ZNF736: variants seen among roughly 807,000 people sequenced by gnomAD.
ZNF736 encodes zinc finger protein 736, also known as KRAB-containing zinc-finger repressor protein.
Under a neutral mutation model 11.7 loss-of-function variants are expected in ZNF736, and 6 were observed. The ratio of observed to expected loss-of-function variants is 0.51; its 90% confidence interval spans 0.28 to 1.01. The LOEUF (loss-of-function observed/expected upper bound fraction) is 1.01. ZNF736 is among the 50% of genes least tolerant of loss of function. The pLI is 0.09. For synonymous variants in ZNF736, 139 were observed against 164.7 expected (o/e 0.84, Z 1.19); for missense variants, 444 against 496.0 (o/e 0.90, Z 1.00).
intron 3 of ZNF736, among the ~76,000 whole-genome samples, chr7:64,344,905 C>T (rs1292901885): frequency 6.7e-6 from 1 of 149,766 alleles, no homozygotes; most frequent in Non-Finnish European, 1.5e-5. Flanking sequence ...CATAATGCTT[C>T]CAATATTTTT....
intron 1 of ZNF736, among the ~76,000 whole-genome samples, chr7:64,324,830 C>T (rs1196095798): frequency 6.6e-6 from 1 of 152,176 alleles, no homozygotes; most frequent in Non-Finnish European, 1.5e-5. Flanking sequence ...GCCCATAGGT[C>T]CTATGAAACT....
chr7:64,319,333 G>GTATGTA lies in ZNF736; in HGVS notation c.3+5183_3+5184insGTATAT, dbSNP rs1788965551. On this transcript the variant is annotated intron_variant, in intron 1 of 3. Transcript: ENST00000423484. ...TATATGTATGTGTGTGTGTGTATGT[G>GTATGTA]TATATATATATATATATATATATAT... Among the ~76,000 whole-genome samples the GTATGTA allele has an allele frequency of 6.4e-4, 46 of 71,646 alleles. 3 individuals carry two copies. Among genetic ancestry groups the GTATGTA allele is most frequent in the Non-Finnish European group, 1.0e-3 (36 of 34,760 alleles). 47.0% of individuals were successfully genotyped at this position (71,646 alleles called of 152,430 possible). A position where few individuals can be genotyped will look rare whatever the true frequency, so the allele number is the denominator to read the frequency against.
Position 64,349,259 on chromosome 7 carries a change from G to T in ZNF736, c.*112G>T. The T allele has an allele frequency of 9.9e-7, 1 of 1,012,372 alleles. No individual in the cohort carries two copies. Among genetic ancestry groups the T allele is most frequent in the East Asian group, 2.6e-5 (1 of 38,098 alleles). 62.7% of individuals were successfully genotyped at this position (1,012,372 alleles called of 1,614,324 possible). On this transcript the variant is annotated 3_prime_UTR_variant, in exon 4 of 4. Transcript: ENST00000423484. ...CAGTGGAAGAACATTTATCATCTTAGAGGGTCTCTAAGAACTTACTTTATA... is the reference window on the plus strand; with the variant it reads ...CAGTGGAAGAACATTTATCATCTTATAGGGTCTCTAAGAACTTACTTTATA...
rs1789522964 is a variant in ZNF736, at chr7:64,353,929, T to C, written c.*4782T>C. ...AAAATTATTGTTATTGTGTTAAGGC[T>C]ATTTTACATTGAATGTGTATCTTGC... is the stretch of plus-strand genomic sequence containing the variant. On this transcript the variant is annotated 3_prime_UTR_variant, in exon 4 of 4. Coordinates refer to ENST00000423484, the MANE Select transcript of ZNF736 (RefSeq NM_001170905.3). 1 of 152,250 alleles carries C rather than the reference T, an allele frequency of 6.6e-6. No homozygotes were observed. The highest frequency in any genetic ancestry group is 1.5e-5 in the Non-Finnish European group (1 of 68,034). 9.4% of individuals were successfully genotyped at this position (152,250 alleles called of 1,614,324 possible).
At chr7:64,331,607 G>A (rs7810363) in intron 1 of ZNF736, among the ~76,000 whole-genome samples, 51,964 of 151,992 alleles carry the variant, frequency 0.34, 9,551 homozygotes, top group African/African-American at 0.49. Flanking sequence ...GATGATTGCT[G>A]GAGGGTGCTA....
intron 3 of ZNF736, among the ~76,000 whole-genome samples, chr7:64,346,429 T>TC (rs2115963959): frequency 6.6e-6 from 1 of 151,640 alleles, no homozygotes; most frequent in African/African-American, 2.4e-5. Flanking sequence ...AGATTTTTTT[T>TC]TTCATTTTGG....
In ZNF736 at chr7:64,348,565, T is replaced by A; in HGVS notation, c.702T>A (p.Cys234Ter). ...AGAAACCTTACAAATGTGAAGGATGTGGCAAAACTTTTACCTGCTCCTCAA... is the reference window on the plus strand; with the variant it reads ...AGAAACCTTACAAATGTGAAGGATGAGGCAAAACTTTTACCTGCTCCTCAA... The part of the protein sequence containing the change: ...TGEKPYKCEG[C>*]GKTFTCSSTL... The change falls in exon 4 of 4, where the codon TGT (cysteine) becomes TGA (stop). Residue 234 changes from cysteine to a stop codon, truncating the protein, a stop_gained. Coordinates refer to ENST00000423484, the MANE Select transcript of ZNF736 (RefSeq NM_001170905.3). LOFTEE classifies it low-confidence loss of function (END_TRUNC). 6.3e-7 allele frequency: 1 copy of A among 1,588,846 alleles called. No homozygotes were observed. Among genetic ancestry groups the A allele is most frequent in the Non-Finnish European group, 8.6e-7 (1 of 1,167,416 alleles).
chr7:64,332,646 G>A (rs967118602), intron 1 of ZNF736, among the ~76,000 whole-genome samples: 8 of 152,092 alleles, frequency 5.3e-5, no homozygotes, highest in South Asian at 2.1e-4. Context: ...GTAAGCCTGA[G>A]GGTACTGCAG....
chr7:64,337,229 T>A (rs1789266242), intron 3 of ZNF736: 1 of 476,216 alleles, frequency 2.1e-6, no homozygotes, highest in Non-Finnish European at 3.7e-6. Flanking sequence ...TTTTGTTTTT[T>A]GTTTTTAGTT....
intron 3 of ZNF736, among the ~76,000 whole-genome samples, chr7:64,346,477 T>C (rs201646041): frequency 3.9e-5 from 2 of 50,732 alleles, no homozygotes; most frequent in African/African-American, 1.0e-4. Context: ...TTGCTTAGAC[T>C]TTTTTTTTTT....
At chr7:64,347,952 T>C (rs1311796969) in intron 3 of ZNF736, 138 bp from the exon 4 acceptor site, 1 of 829,076 alleles carries the variant, frequency 1.2e-6, no homozygotes, top group Non-Finnish European at 1.8e-6. Context: ...AGTATATTTC[T>C]GTTAGGTTTA....
intron 1 of ZNF736, among the ~76,000 whole-genome samples, chr7:64,318,650 A>G (rs1379518086): frequency 6.6e-6 from 1 of 152,200 alleles, no homozygotes. Context: ...GTTTACCAAA[A>G]GATTTACTCA....
intron 1 of ZNF736, among the ~76,000 whole-genome samples, chr7:64,315,961 A>G (rs1187732930): frequency 6.6e-6 from 1 of 152,210 alleles, no homozygotes; most frequent in Non-Finnish European, 1.5e-5. Context: ...ACAGAAAAGC[A>G]AAGAGTAGTC....
At chr7:64,331,273 G>C (rs1319111982) in intron 1 of ZNF736, among the ~76,000 whole-genome samples, 3 of 152,164 alleles carry the variant, frequency 2.0e-5, no homozygotes, top group Non-Finnish European at 2.9e-5. Flanking sequence ...GGGCTAGTCT[G>C]AGTGCTCCCT....
intron 3 of ZNF736, among the ~76,000 whole-genome samples, chr7:64,343,142 G>A (rs1421837920): frequency 6.6e-6 from 1 of 152,060 alleles, no homozygotes; most frequent in Admixed American, 6.5e-5. Flanking sequence ...GTCTTCAACA[G>A]CAATGACATG....
intron 1 of ZNF736, among the ~76,000 whole-genome samples, chr7:64,327,165 C>G (rs1490661622): frequency 6.6e-6 from 1 of 152,168 alleles, no homozygotes; most frequent in Non-Finnish European, 1.5e-5. Context: ...GTTGATCTCT[C>G]TCTCTTTAGC....
chr7:64,350,668 AC>A lies in ZNF736; in HGVS notation c.*1523del, dbSNP rs1331906600. On this transcript the variant is annotated 3_prime_UTR_variant, in exon 4 of 4. Transcript: ENST00000423484. ...TGTGGGCATATCTTTGAGGTTGCTG[AC>A]CTTTGGGCTTTTTTTTTTTTAATCC... The A allele has an allele frequency of 7.1e-6, 1 of 140,994 alleles. No individual in the cohort carries two copies. Among genetic ancestry groups the A allele is most frequent in the Non-Finnish European group, 1.5e-5 (1 of 65,140 alleles). 8.7% of individuals were successfully genotyped at this position (140,994 alleles called of 1,614,324 possible).
chr7:64,346,394 T>A (rs1400335662), intron 3 of ZNF736, among the ~76,000 whole-genome samples: 1 of 151,828 alleles, frequency 6.6e-6, no homozygotes, highest in Non-Finnish European at 1.5e-5. Context: ...TTGATGTAGA[T>A]CTTGATATAT....
In ZNF736 at chr7:64,348,476, GAAT is replaced by G; in HGVS notation, c.614_616del (p.Glu205_Cys206delinsGly). ...TGTAGAGAGATGCTACAAATGTGAA[GAAT>G]GTGGCAAAGCGTTTAAAAAGTTTTC... On this transcript the variant is annotated inframe_deletion, in exon 4 of 4. Transcript: ENST00000423484. The G allele has an allele frequency of 6.4e-7, 1 of 1,554,230 alleles. No homozygotes were observed. The highest frequency in any genetic ancestry group is 2.4e-5 in the East Asian group (1 of 41,136).
Sources: allele counts gnomAD v4.1 joint callset (sites outside exome capture counted in the v4.1 genomes callset), GRCh38; gene constraint gnomAD v4.1.1; transcripts MANE v1.5; gene names NCBI Gene and HGNC (gene_info 2026-07-23, HGNC 2026-07-21).